ANOS1: variants seen among roughly 807,000 people sequenced by gnomAD.
ANOS1 encodes anosmin-1.
ANOS1 carries 6 observed loss-of-function variants against 59.0 expected under a neutral mutation model. The observed-to-expected ratio is 0.10, with a 90% confidence interval of 0.06 to 0.20. ANOS1 has a LOEUF of 0.20. ANOS1 is among the 10% of genes least tolerant of loss of function. The pLI is 1.00. For missense variants in ANOS1, 433 were observed against 542.3 expected (o/e 0.80, Z 2.00); for synonymous variants, 217 against 223.4 (o/e 0.97, Z 0.25).
intron 3 of ANOS1, among the ~76,000 whole-genome samples, chrX:8,606,796 T>C (rs1461585421): frequency 8.9e-6 from 1 of 112,834 alleles, no homozygotes; most frequent in East Asian, 2.8e-4. Flanking sequence ...TAATTTTTAA[T>C]GGGCATGTAT....
intron 6 of ANOS1, among the ~76,000 whole-genome samples, chrX:8,572,186 G>C (rs1420214018): frequency 9.1e-6 from 1 of 109,856 alleles, no homozygotes; most frequent in Non-Finnish European, 1.9e-5. Context: ...GCTTGTTACA[G>C]AGGTAAATAT....
chrX:8,544,885 G>A (rs1929742620), intron 9 of ANOS1, among the ~76,000 whole-genome samples: 1 of 108,819 alleles, frequency 9.2e-6, no homozygotes, highest in Non-Finnish European at 1.9e-5. Context: ...TGACCAACAT[G>A]GAGAAACCCC....
chrX:8,719,026 G>A (rs1433364668), intron 1 of ANOS1, among the ~76,000 whole-genome samples: 2 of 111,966 alleles, frequency 1.8e-5, no homozygotes, highest in East Asian at 2.8e-4. Context: ...TGCATTCTGC[G>A]GGAGTCCTAT....
chrX:8,726,639 C>T (rs921067083), intron 1 of ANOS1, among the ~76,000 whole-genome samples: 18 of 112,626 alleles, frequency 1.6e-4, no homozygotes, highest in African/African-American at 5.5e-4. Context: ...GCTGAGATTG[C>T]CAATGGCAGG....
chrX:8,694,145 G>T (rs1932648291), intron 2 of ANOS1, among the ~76,000 whole-genome samples: 1 of 111,341 alleles, frequency 9.0e-6, no homozygotes, highest in Non-Finnish European at 1.9e-5. Context: ...TTATCACTAG[G>T]GCCTAGGGCA....
At chrX:8,558,690 C>T (rs975368874) in intron 8 of ANOS1, among the ~76,000 whole-genome samples, 7 of 111,266 alleles carry the variant, frequency 6.3e-5, no homozygotes, top group African/African-American at 2.3e-4. Context: ...GAAGTATGAG[C>T]ATTATACATC....
At chrX:8,595,286 G>A (rs369922437) in intron 4 of ANOS1, among the ~76,000 whole-genome samples, 40 of 111,284 alleles carry the variant, frequency 3.6e-4, no homozygotes, top group African/African-American at 1.1e-3. Context: ...TTTAAATTTC[G>A]CAAAAGTGAC....
In ANOS1 at chrX:8,532,756, GC is replaced by G; in HGVS notation, c.*238del. ...GAAAACAAAATTTAGCATTAAACAG[GC>G]CTATTCTTCATTTTCTCCATGCTTG... On this transcript the variant is annotated 3_prime_UTR_variant, in exon 14 of 14. Coordinates refer to ENST00000262648, the MANE Select transcript of ANOS1 (RefSeq NM_000216.4). 1 of 351,756 alleles carries G rather than the reference GC, an allele frequency of 2.8e-6. No individual in the cohort carries two copies. The highest frequency in any genetic ancestry group is 5.0e-6 in the Non-Finnish European group (1 of 200,044). 29.0% of individuals were successfully genotyped at this position (351,756 alleles called of 1,213,427 possible).
intron 1 of ANOS1, among the ~76,000 whole-genome samples, chrX:8,726,798 T>C (rs974655): frequency 0.42 from 47,011 of 110,976 alleles, 7,354 homozygotes; most frequent in East Asian, 0.61. Flanking sequence ...CTCAAATGCA[T>C]CAAGAGTCAC....
At chrX:8,631,544 G>GT (rs34221837) in intron 2 of ANOS1, among the ~76,000 whole-genome samples, 10,924 of 110,454 alleles carry the variant, frequency 0.099, 794 homozygotes, top group South Asian at 0.24. Context: ...GTTTAGTAAA[G>GT]TTTTTTTTTC....
chrX:8,596,593 C>T (rs760193559), intron 4 of ANOS1, among the ~76,000 whole-genome samples: 181 of 112,011 alleles, frequency 1.6e-3, no homozygotes, highest in South Asian at 3.0e-3. Flanking sequence ...ATCTGTACAA[C>T]GACACTAATG....
Position 8,606,041 on chromosome X carries a change from C to T in ANOS1, c.319-8785G>A, listed in dbSNP as rs1414011440. Among the ~76,000 whole-genome samples, 3 of 111,602 alleles carry T rather than the reference C, an allele frequency of 2.7e-5. No homozygotes were observed. In the Admixed American group the frequency reaches 2.9e-4, roughly 11 times the overall value. ...CAATGGCAAAACCTAGCCATCCTATCATAAACAGAAAACAAGAACAAATGG... is the reference window on the plus strand; with the variant it reads ...CAATGGCAAAACCTAGCCATCCTATTATAAACAGAAAACAAGAACAAATGG... On this transcript the variant is annotated intron_variant, in intron 3 of 13. Coordinates refer to ENST00000262648, the MANE Select transcript of ANOS1 (RefSeq NM_000216.4).
Position 8,725,523 on chromosome X carries a change from T to TATATATATATATACAG in ANOS1, c.207+6306_207+6307insCTGTATATATATATAT, listed in dbSNP as rs1569092021. On this transcript the variant is annotated intron_variant, in intron 1 of 13. Transcript: ENST00000262648. ...GGATAAATAATATTATATACAGATA[T>TATATATATATATACAG]ATATATATATACAGATATATATATA... Among the ~76,000 whole-genome samples the TATATATATATATACAG allele has an allele frequency of 3.0e-3, 212 of 70,382 alleles. 3 individuals carry two copies. The highest frequency in any genetic ancestry group is 0.019 in the Admixed American group (107 of 5,503). 61.1% of individuals were successfully genotyped at this position (70,382 alleles called of 115,157 possible).
chrX:8,729,105 TAGGTTGCGCTCTCCTGAGGCA>T (rs1932945959), intron 1 of ANOS1, among the ~76,000 whole-genome samples: 1 of 111,958 alleles, frequency 8.9e-6, no homozygotes, highest in African/African-American at 3.2e-5. Context: ...CATGAGTGCA[TAGGTTGCGCTCTCCTGAGGCA>T]AGGCCTGACA....
At chrX:8,625,806 G>A (rs191105673) in intron 2 of ANOS1, among the ~76,000 whole-genome samples, 48 of 111,059 alleles carry the variant, frequency 4.3e-4, no homozygotes, top group African/African-American at 1.3e-3. Context: ...CTGATGCTTA[G>A]TAAACTTTAA....
chrX:8,568,702 G>A (rs776099477), intron 7 of ANOS1, among the ~76,000 whole-genome samples: 4 of 110,491 alleles, frequency 3.6e-5, no homozygotes, highest in African/African-American at 6.6e-5. Context: ...GTGTGCACTT[G>A]TAGTTCCAGC....
chrX:8,545,969 G>T (rs1929766293), intron 9 of ANOS1, among the ~76,000 whole-genome samples: 1 of 112,145 alleles, frequency 8.9e-6, no homozygotes, highest in African/African-American at 3.2e-5. Flanking sequence ...ACTTGTCAAG[G>T]AGTTTGAAAC....
chrX:8,677,297 C>G (rs182961856), intron 2 of ANOS1, among the ~76,000 whole-genome samples: 48 of 111,564 alleles, frequency 4.3e-4, no homozygotes, highest in African/African-American at 1.5e-3. Context: ...AAATGTCTCT[C>G]GACATTGCCA....
intron 2 of ANOS1, among the ~76,000 whole-genome samples, chrX:8,667,192 A>C (rs1214570644): frequency 5.4e-5 from 6 of 111,768 alleles, no homozygotes; most frequent in East Asian, 2.8e-4. Context: ...AAGTCTAAAA[A>C]GTGGAGGAAT....
Sources: allele counts gnomAD v4.1 joint callset (sites outside exome capture counted in the v4.1 genomes callset), GRCh38; gene constraint gnomAD v4.1.1; transcripts MANE v1.5; gene names NCBI Gene and HGNC (gene_info 2026-07-23, HGNC 2026-07-21).